Variants in RAP1GDS1 observed in about 807,000 individuals in gnomAD.
RAP1GDS1 encodes RAP1, GTP-GDP dissociation stimulator 1.
Under a neutral mutation model 71.1 loss-of-function variants are expected in RAP1GDS1, and 35 were observed. The ratio of observed to expected loss-of-function variants is 0.49; its 90% CI spans 0.38 to 0.65. RAP1GDS1 has a LOEUF of 0.65. Among genes scored for constraint, RAP1GDS1 ranks in the 30% least tolerant of loss-of-function variants. The probability of loss-of-function intolerance (pLI) is 0.00; values close to 1 mark genes in which losing one functional copy is unlikely to be tolerated. For synonymous variants in RAP1GDS1, 229 were observed against 243.1 expected (o/e 0.94, Z 0.54); for missense variants, 663 against 706.1 (o/e 0.94, Z 0.69).
At chr4:98,290,588 G>A (rs1248813953) in intron 1 of RAP1GDS1, among the ~76,000 whole-genome samples, 2 of 152,000 alleles carry the variant, frequency 1.3e-5, no homozygotes, top group African/African-American at 4.8e-5. Flanking sequence ...AAGAGAGGTT[G>A]GAGCATAAAG....
At chr4:98,416,580 G>A (rs1748059475) in intron 7 of RAP1GDS1, among the ~76,000 whole-genome samples, 165 bp from the exon 8 acceptor site, 1 of 151,762 alleles carries the variant, frequency 6.6e-6, no homozygotes, top group African/African-American at 2.4e-5. Flanking sequence ...TCGATCTCCT[G>A]ACCTTGTGAT....
At chr4:98,295,030 C>A (rs1727529617) in intron 2 of RAP1GDS1, among the ~76,000 whole-genome samples, 1 of 151,860 alleles carries the variant, frequency 6.6e-6, no homozygotes, top group Non-Finnish European at 1.5e-5. Flanking sequence ...TATTCTTGGT[C>A]ATCTGTAGAG....
intron 1 of RAP1GDS1, among the ~76,000 whole-genome samples, chr4:98,285,536 T>C (rs962893713): frequency 2.0e-5 from 3 of 152,038 alleles, no homozygotes; most frequent in Non-Finnish European, 2.9e-5. Context: ...CAAAGGAATA[T>C]CTGTACTGAT....
At chr4:98,362,204 A>G (rs1189486898) in intron 4 of RAP1GDS1, among the ~76,000 whole-genome samples, 2 of 152,212 alleles carry the variant, frequency 1.3e-5, no homozygotes, top group Non-Finnish European at 2.9e-5. Flanking sequence ...TAGGGTCTGC[A>G]TGTGGTGGCT....
Position 98,273,249 on chromosome 4 carries a change from A to G in RAP1GDS1, c.4+11680A>G, listed in dbSNP as rs56038362. Among the ~76,000 whole-genome samples the G allele has an allele frequency of 4.9e-3, 751 of 152,230 alleles. 7 individuals are homozygous for G. The highest frequency in any genetic ancestry group is 0.018 in the South Asian group (86 of 4,824). On this transcript the variant is annotated intron_variant, in intron 1 of 14. Coordinates refer to ENST00000408927, the MANE Select transcript of RAP1GDS1 (RefSeq NM_001100427.2). Reference sequence around the variant, plus strand: ...TTTTGAACTCAGAAATAAGAAAATCACTCGTAAAGAGAACTGTGCATTAAA... The same window carrying G: ...TTTTGAACTCAGAAATAAGAAAATCGCTCGTAAAGAGAACTGTGCATTAAA...
chr4:98,289,570 A>G (rs978066022), intron 1 of RAP1GDS1, among the ~76,000 whole-genome samples: 1 of 151,338 alleles, frequency 6.6e-6, no homozygotes, highest in African/African-American at 2.4e-5. Context: ...AAAAAAAAAA[A>G]AAAAAGAAAG....
intron 3 of RAP1GDS1, among the ~76,000 whole-genome samples, chr4:98,343,716 A>G (rs956448664): frequency 6.6e-6 from 1 of 152,192 alleles, no homozygotes; most frequent in Non-Finnish European, 1.5e-5. Flanking sequence ...TATTTTCTAC[A>G]CTCACCATAT....
intron 2 of RAP1GDS1, among the ~76,000 whole-genome samples, chr4:98,307,387 A>G (rs1488687918): frequency 6.6e-6 from 1 of 152,052 alleles, no homozygotes; most frequent in African/African-American, 2.4e-5. Context: ...GGTTTGTTAT[A>G]TCAGAAATTT....
At chr4:98,430,050 C>G (rs921472818) in intron 12 of RAP1GDS1, among the ~76,000 whole-genome samples, 1 of 152,060 alleles carries the variant, frequency 6.6e-6, no homozygotes, top group African/African-American at 2.4e-5. Context: ...TGAGGCTTTT[C>G]TGTGAATTTT....
At position 98,285,368 on chromosome 4, in the gene RAP1GDS1, G is replaced by C. The variant is rs1187425472; in HGVS notation, c.5-8040G>C. 4.6e-5 allele frequency among the ~76,000 whole-genome samples: 7 copies of C among 152,254 alleles called. No homozygotes were observed. The East Asian group carries it at 1.4e-3, about 29-fold the overall frequency. ...TAGCAGCCAGGAAAGAAATGTATAT[G>C]CTTAAAGAGTGCTGTGGGTTTTAAC... On this transcript the variant is annotated intron_variant, in intron 1 of 14. Coordinates refer to ENST00000408927, the MANE Select transcript of RAP1GDS1 (RefSeq NM_001100427.2).
At chr4:98,321,539 C>T (rs1731893279) in intron 2 of RAP1GDS1, among the ~76,000 whole-genome samples, 2 of 149,270 alleles carry the variant, frequency 1.3e-5, no homozygotes, top group Non-Finnish European at 3.0e-5. Flanking sequence ...GGGTTACCCT[C>T]AAAGGGAAGC....
chr4:98,276,274 A>G (rs1724185665), intron 1 of RAP1GDS1, among the ~76,000 whole-genome samples: 1 of 152,164 alleles, frequency 6.6e-6, no homozygotes, highest in Non-Finnish European at 1.5e-5. Flanking sequence ...ACCACCTAAT[A>G]TCATCCACAT....
At chr4:98,390,251 A>G (rs1320637823) in intron 5 of RAP1GDS1, among the ~76,000 whole-genome samples, 1 of 152,162 alleles carries the variant, frequency 6.6e-6, no homozygotes, top group Non-Finnish European at 1.5e-5. Context: ...TATAGATATA[A>G]CACTATTGTG....
At chr4:98,404,747 T>A in intron 7 of RAP1GDS1, 145 bp downstream of exon 7, 1 of 966,002 alleles carries the variant, frequency 1.0e-6, no homozygotes, top group South Asian at 1.7e-5. Flanking sequence ...ACTTTAGCTA[T>A]GTTATCTACT....
chr4:98,355,593 A>G (rs1443387321), intron 4 of RAP1GDS1, among the ~76,000 whole-genome samples: 1 of 152,214 alleles, frequency 6.6e-6, no homozygotes, highest in Non-Finnish European at 1.5e-5. Context: ...CATGTTCTAT[A>G]GATTTTTACT....
chr4:98,282,262 T>C (rs1218229980), intron 1 of RAP1GDS1, among the ~76,000 whole-genome samples: 13 of 152,182 alleles, frequency 8.5e-5, no homozygotes, highest in Admixed American at 8.5e-4. Flanking sequence ...GTTGGTAGGC[T>C]ATTAATTATT....
intron 2 of RAP1GDS1, among the ~76,000 whole-genome samples, chr4:98,325,910 C>G (rs1236787444): frequency 4.0e-5 from 3 of 75,624 alleles, no homozygotes; most frequent in African/African-American, 6.0e-5. Flanking sequence ...TACCCTAAAA[C>G]TTAAAGTATT....
At chr4:98,432,204 A>G (rs1482976364) in intron 12 of RAP1GDS1, among the ~76,000 whole-genome samples, 1 of 152,142 alleles carries the variant, frequency 6.6e-6, no homozygotes, top group Non-Finnish European at 1.5e-5. Flanking sequence ...AAGAGAGGAC[A>G]CTGTTCATTT....
chr4:98,418,932 C>G, intron 10 of RAP1GDS1, 141 bp downstream of exon 10: 1 of 893,712 alleles, frequency 1.1e-6, no homozygotes, highest in Non-Finnish European at 1.5e-6. Flanking sequence ...CACATTTTTT[C>G]ATGCTAATAA....
Sources: allele counts gnomAD v4.1 joint callset (sites outside exome capture counted in the v4.1 genomes callset), GRCh38; gene constraint gnomAD v4.1.1; transcripts MANE v1.5; gene names NCBI Gene and HGNC (gene_info 2026-07-23, HGNC 2026-07-21).